Variants in DSTYK observed in about 807,000 individuals in gnomAD.
The protein encoded by DSTYK is RIP-homologous kinase.
In DSTYK, 34 loss-of-function variants were observed where a neutral mutation model predicts 98.7. That is an observed-to-expected ratio of 0.34 (90% confidence interval 0.26 to 0.46). The LOEUF (loss-of-function observed/expected upper bound fraction) is 0.46. DSTYK is among the 20% of genes least tolerant of loss of function. The probability of loss-of-function intolerance (pLI) is 1.00; values close to 1 mark genes in which losing one functional copy is unlikely to be tolerated. For synonymous variants in DSTYK, 462 were observed against 457.3 expected (o/e 1.01, Z -0.13); for missense variants, 962 against 1,181.7 (o/e 0.81, Z 2.73).
intron 1 of DSTYK, among the ~76,000 whole-genome samples, chr1:205,209,869 C>G (rs1574809666): frequency 6.6e-6 from 1 of 151,612 alleles, no homozygotes. Flanking sequence ...CCTGCATCAC[C>G]TTCCCCAGTG....
rs34237326 is a variant in DSTYK, at chr1:205,207,080, C to CTT, written c.265+4189_265+4190dup. Reference sequence around the variant, plus strand: ...ACACATATTTAAGTCACTCCAGTATCTTTTTTTTTTTTTTTTGAGACAGAG... The same window carrying CTT: ...ACACATATTTAAGTCACTCCAGTATCTTTTTTTTTTTTTTTTTTGAGACAGAG... On this transcript the variant is annotated intron_variant, in intron 1 of 12. Transcript: ENST00000367162. Among the ~76,000 whole-genome samples, 341 of 140,680 alleles carry CTT rather than the reference C, an allele frequency of 2.4e-3. 5 individuals carry two copies. The highest frequency in any genetic ancestry group is 2.1e-3 in the Non-Finnish European group (135 of 64,914). 92.3% of individuals were successfully genotyped at this position (140,680 alleles called of 152,430 possible). A position where few individuals can be genotyped will look rare whatever the true frequency, so the allele number is the denominator to read the frequency against.
intron 1 of DSTYK, among the ~76,000 whole-genome samples, chr1:205,203,250 A>C (rs1659093360): frequency 6.6e-6 from 1 of 151,138 alleles, no homozygotes; most frequent in Admixed American, 6.6e-5. Context: ...TGGGAGGCCA[A>C]GGTGGCCAGA....
chr1:205,145,324 T>C lies in DSTYK; in HGVS notation c.*2234A>G. The stretch of plus-strand genomic sequence containing the variant: ...GGTTATTAGCACTACATGGAATTTC[T>C]GAAAGGCTCCAAGAGTTTAGGGAGC... On this transcript the variant is annotated 3_prime_UTR_variant, in exon 13 of 13. Transcript: ENST00000367162. The C allele has an allele frequency of 6.6e-6, 1 of 152,116 alleles. No individual in the cohort carries two copies. The highest frequency in any genetic ancestry group is 1.9e-4 in the East Asian group (1 of 5,152). The allele number at this position is 152,116 out of a possible 1,614,324, so 9.4% of individuals were successfully genotyped here.
At chr1:205,205,561 T>G (rs1659174813) in intron 1 of DSTYK, among the ~76,000 whole-genome samples, 1 of 152,172 alleles carries the variant, frequency 6.6e-6, no homozygotes, top group Non-Finnish European at 1.5e-5. Context: ...TTCTCCTGCC[T>G]CAGCCTCCTG....
At chr1:205,204,511 A>C (rs1659145763) in intron 1 of DSTYK, among the ~76,000 whole-genome samples, 1 of 151,704 alleles carries the variant, frequency 6.6e-6, no homozygotes, top group Non-Finnish European at 1.5e-5. Flanking sequence ...TATATTTAGC[A>C]TTAATTATAT....
chr1:205,198,548 C>A (rs1362343059), intron 1 of DSTYK, among the ~76,000 whole-genome samples: 1 of 152,140 alleles, frequency 6.6e-6, no homozygotes, highest in Non-Finnish European at 1.5e-5. Context: ...ATATTAAACG[C>A]TAAGGCTAGA....
At chr1:205,191,801 C>G (rs1201383159) in intron 1 of DSTYK, among the ~76,000 whole-genome samples, 1 of 152,146 alleles carries the variant, frequency 6.6e-6, no homozygotes, top group Non-Finnish European at 1.5e-5. Flanking sequence ...AAACCTGTTT[C>G]AGAGCTGGAG....
At chr1:205,189,627 T>C (rs962809822) in intron 1 of DSTYK, among the ~76,000 whole-genome samples, 17 of 152,348 alleles carry the variant, frequency 1.1e-4, no homozygotes, top group Middle Eastern at 3.4e-3. Flanking sequence ...AGAGTGAACC[T>C]ACCTAGCTAC....
chr1:205,206,306 G>A (rs1482192871), intron 1 of DSTYK, among the ~76,000 whole-genome samples: 3 of 150,590 alleles, frequency 2.0e-5, no homozygotes, highest in African/African-American at 7.3e-5. Context: ...TTGAGACAGA[G>A]TCTCGCTCTG....
At chr1:205,181,656 TTGTGTGTGTGTGTG>T (rs35775611) in intron 2 of DSTYK, among the ~76,000 whole-genome samples, 10 of 142,642 alleles carry the variant, frequency 7.0e-5, no homozygotes, top group East Asian at 2.1e-4. Flanking sequence ...ATGTTGGGGT[TTGTGTGTGTGTGTG>T]TGTGTGTGTG....
rs969575921 is a variant in DSTYK, at chr1:205,147,292, ACAC to A, written c.*263_*265del. 3.0e-6 allele frequency: 1 copy of A among 332,574 alleles called. No homozygotes were observed. Among genetic ancestry groups the A allele is most frequent in the African/African-American group, 2.0e-5 (1 of 49,266 alleles). 20.6% of individuals were successfully genotyped at this position (332,574 alleles called of 1,614,324 possible). ...CCTCCTTTTCATTTGTGAAGCCAGA[ACAC>A]CACATTCCTCAGCTTTTACACATCT... On this transcript the variant is annotated 3_prime_UTR_variant, in exon 13 of 13. Transcript: ENST00000367162.
intron 9 of DSTYK, among the ~76,000 whole-genome samples, chr1:205,159,086 A>C (rs921494091): frequency 1.3e-5 from 2 of 151,414 alleles, no homozygotes; most frequent in Non-Finnish European, 1.5e-5. Flanking sequence ...AATCTTTAAA[A>C]ATTTTTTTTT....
chr1:205,202,064 C>CGGGAAGGGGAGAG, intron 1 of DSTYK: 1 of 327,390 alleles, frequency 3.1e-6, no homozygotes, highest in South Asian at 2.1e-5. Flanking sequence ...GTGGGAAACT[C>CGGGAAGGGGAGAG]GGGAAGGGGA....
intron 11 of DSTYK, among the ~76,000 whole-genome samples, chr1:205,149,877 T>A (rs1276940791): frequency 6.6e-6 from 1 of 152,190 alleles, no homozygotes; most frequent in Non-Finnish European, 1.5e-5. Flanking sequence ...TGTGATTTTC[T>A]TCATTATTTC....
At position 205,162,263 on chromosome 1, in the gene DSTYK, C is replaced by T. The variant is rs141262839; in HGVS notation, c.1642-51G>A. 552 of 1,591,396 alleles carry T rather than the reference C, an allele frequency of 3.5e-4. 4 individuals are homozygous for T. In the East Asian group the frequency reaches 0.011, roughly 32 times the overall value. ...ACCAAGGAATGAGAGACAAGAACCACTACAAAGATCCAGTGTCCTTCCTTT... is the reference window on the plus strand; with the variant it reads ...ACCAAGGAATGAGAGACAAGAACCATTACAAAGATCCAGTGTCCTTCCTTT... On this transcript the variant is annotated intron_variant, in intron 5 of 12. Coordinates refer to ENST00000367162, the MANE Select transcript of DSTYK (RefSeq NM_015375.3).
chr1:205,159,985 A>G, intron 8 of DSTYK, 129 bp downstream of exon 8: 3 of 1,100,476 alleles, frequency 2.7e-6, no homozygotes, highest in Non-Finnish European at 4.1e-6. Flanking sequence ...GAAAGGGAGC[A>G]CATGTCTGTT....
intron 2 of DSTYK, among the ~76,000 whole-genome samples, chr1:205,179,415 T>C (rs1261135353): frequency 6.6e-6 from 1 of 151,246 alleles, no homozygotes; most frequent in Non-Finnish European, 1.5e-5. Flanking sequence ...GGTCAGGAGA[T>C]CACGAGCATC....
intron 1 of DSTYK, among the ~76,000 whole-genome samples, 153 bp from the exon 2 acceptor site, chr1:205,187,959 G>GA (rs36098364): frequency 6.6e-6 from 1 of 152,062 alleles, no homozygotes; most frequent in Middle Eastern, 3.4e-3. Context: ...ACATATCAGG[G>GA]AAAAAACCCC....
chr1:205,196,619 G>T (rs1658873041), intron 1 of DSTYK, among the ~76,000 whole-genome samples: 1 of 152,088 alleles, frequency 6.6e-6, no homozygotes, highest in African/African-American at 2.4e-5. Flanking sequence ...GTCAGGGAAT[G>T]CTAGGTCTAC....
Sources: allele counts gnomAD v4.1 joint callset (sites outside exome capture counted in the v4.1 genomes callset), GRCh38; gene constraint gnomAD v4.1.1; transcripts MANE v1.5; gene names NCBI Gene and HGNC (gene_info 2026-07-23, HGNC 2026-07-21).